SLC39A10: variants seen among roughly 807,000 people sequenced by gnomAD.
SLC39A10 encodes solute carrier family 39 member 10, also known as zinc transporter ZIP10.
Under a neutral mutation model 65.1 loss-of-function variants are expected in SLC39A10, and 13 were observed. The ratio of observed to expected loss-of-function variants is 0.20; its 90% CI spans 0.13 to 0.32. The LOEUF is 0.32. Ranked by LOEUF, SLC39A10 falls within the 10% of genes least tolerant of loss-of-function variation. The probability of loss-of-function intolerance (pLI) is 1.00; values close to 1 mark genes in which losing one functional copy is unlikely to be tolerated. For synonymous variants in SLC39A10, 321 were observed against 342.2 expected, an observed-to-expected ratio of 0.94 and a Z score of 0.68; for missense variants, 831 against 1,018.4, an observed-to-expected ratio of 0.82 and a Z score of 2.50.
At chr2:195,616,597 G>T (rs140893815) in intron 2 of SLC39A10, among the ~76,000 whole-genome samples, 42 of 147,428 alleles carry the variant, frequency 2.8e-4, no homozygotes, top group Non-Finnish European at 5.4e-4. Flanking sequence ...GAGCCACCGC[G>T]CCTGGCCTGG....
intron 1 of SLC39A10, among the ~76,000 whole-genome samples, chr2:195,667,826 T>A (rs1452122026): frequency 6.6e-6 from 1 of 152,260 alleles, no homozygotes; most frequent in East Asian, 1.9e-4. Context: ...ATACGAGAAG[T>A]AGGGACAGAA....
chr2:195,656,792 G>C (rs1689155531), upstream of SLC39A10: 1 of 152,208 alleles, frequency 6.6e-6, no homozygotes. Context: ...TGGGTTTAGA[G>C]CTTCCATTAC....
At chr2:195,734,446 G>A (rs1279096562) in intron 9 of SLC39A10, among the ~76,000 whole-genome samples, 1 of 152,190 alleles carries the variant, frequency 6.6e-6, no homozygotes, top group Non-Finnish European at 1.5e-5. Flanking sequence ...ATGGGCGTGA[G>A]CCACCGTGCC....
chr2:195,664,022 A>G (rs569379029), intron 1 of SLC39A10, among the ~76,000 whole-genome samples: 3 of 152,282 alleles, frequency 2.0e-5, no homozygotes, highest in African/African-American at 7.2e-5. Context: ...AAGCACATAC[A>G]GTGTACATAT....
At chr2:195,711,439 C>G (rs1358671929) in intron 5 of SLC39A10, among the ~76,000 whole-genome samples, 1 of 152,068 alleles carries the variant, frequency 6.6e-6, no homozygotes, top group Non-Finnish European at 1.5e-5. Flanking sequence ...TGGAAGAACA[C>G]CTTGGATGCA....
chr2:195,720,135 C>T (rs900388143), intron 8 of SLC39A10, among the ~76,000 whole-genome samples: 5 of 152,048 alleles, frequency 3.3e-5, no homozygotes, highest in Non-Finnish European at 7.4e-5. Context: ...CCATGTTGGC[C>T]AGGCTGGTTT....
chr2:195,704,612 A>G (rs1691325170), intron 3 of SLC39A10, among the ~76,000 whole-genome samples: 1 of 152,174 alleles, frequency 6.6e-6, no homozygotes, highest in South Asian at 2.1e-4. Context: ...TTTCCTGTCT[A>G]TAAACGGGAC....
chr2:195,692,596 T>G (rs1459060075), intron 3 of SLC39A10, among the ~76,000 whole-genome samples: 1 of 152,206 alleles, frequency 6.6e-6, no homozygotes, highest in African/African-American at 2.4e-5. Context: ...TTATTTTATT[T>G]GTAGCTATTG....
At position 195,637,481 on chromosome 2, in the gene SLC39A10, G is replaced by C. The variant is rs144070744; in HGVS notation, c.-12+31248G>C. ...TTCTACAGTCAGCCAAGGCTGTTTT[G>C]AATGATGGATTAGTAATTATGCAAG... On this transcript the variant is annotated intron_variant, in intron 2 of 2. Coordinates refer to the SLC39A10 transcript ENST00000458054. 6.9e-3 allele frequency among the ~76,000 whole-genome samples: 1,058 copies of C among 152,318 alleles called. 6 individuals are homozygous for C. Among genetic ancestry groups the C allele is most frequent in the Non-Finnish European group, 0.011 (720 of 68,032 alleles).
At chr2:195,620,937 C>T (rs1399891388) in intron 2 of SLC39A10, among the ~76,000 whole-genome samples, 1 of 152,188 alleles carries the variant, frequency 6.6e-6, no homozygotes, top group East Asian at 1.9e-4. Context: ...CATCCATTTC[C>T]TCTCATATCT....
chr2:195,682,699 A>G (rs1426986922), intron 2 of SLC39A10, among the ~76,000 whole-genome samples: 2 of 152,112 alleles, frequency 1.3e-5, no homozygotes, highest in South Asian at 2.1e-4. Flanking sequence ...GGTTTGCATT[A>G]TTAGACTTGT....
At chr2:195,719,204 T>G (rs1691927157) in intron 8 of SLC39A10, among the ~76,000 whole-genome samples, 1 of 152,134 alleles carries the variant, frequency 6.6e-6, no homozygotes, top group South Asian at 2.1e-4. Flanking sequence ...CTGCACTTTT[T>G]TTTTCTAAAA....
chr2:195,679,965 G>T (rs1377199008), intron 1 of SLC39A10, 67 bp from the exon 2 acceptor site: 1 of 1,347,834 alleles, frequency 7.4e-7, no homozygotes, highest in East Asian at 2.4e-5. Context: ...AACTTCCAGA[G>T]AATTAGATTG....
intron 2 of SLC39A10, among the ~76,000 whole-genome samples, chr2:195,632,485 G>A (rs1688607283): frequency 6.6e-6 from 1 of 151,528 alleles, no homozygotes. Context: ...TTTTAGTAGA[G>A]ACAGGGTTTC....
In SLC39A10 at chr2:195,728,391, TGAAA is replaced by T; in HGVS notation, c.2337+47_2337+50del. 1 of 1,546,794 alleles carries T rather than the reference TGAAA, an allele frequency of 6.5e-7. No individual in the cohort carries two copies. The highest frequency in any genetic ancestry group is 8.8e-7 in the Non-Finnish European group (1 of 1,137,372). ...TTTTTTGTGGTACTAAACCTGCAAA[TGAAA>T]GAAATCCTTGGAAGTGGTTTGAAGC... On this transcript the variant is annotated intron_variant, in intron 9 of 9. Coordinates refer to ENST00000359634, the MANE Select transcript of SLC39A10 (RefSeq NM_020342.3). The surrounding 1 kb of genome is among the most constrained non-coding windows in gnomAD (Gnocchi z 4.4).
Position 195,683,824 on chromosome 2 carries a change from G to A in SLC39A10, c.1134G>A (p.Glu378=), listed in dbSNP as rs1214618085. ...LYQIDSRLCI[E]HFDKLLVEDI... is the part of the protein sequence containing the mutation. ...AAATCGACAGCAGACTTTGTATTGA[G>A]CATTTTGACAAACTTTTAGTTGAAG... Residue 378 remains glutamate (E), a synonymous_variant, in exon 3 of 10, where the codon GAG becomes GAA. Coordinates refer to ENST00000359634, the MANE Select transcript of SLC39A10 (RefSeq NM_020342.3). The A allele has an allele frequency of 3.1e-6, 5 of 1,613,316 alleles. No homozygotes were observed. In the South Asian group the frequency reaches 5.5e-5, roughly 18 times the overall value.
intron 2 of SLC39A10, among the ~76,000 whole-genome samples, chr2:195,616,206 C>T (rs1030414837): frequency 2.0e-5 from 3 of 152,136 alleles, no homozygotes; most frequent in African/African-American, 4.8e-5. Context: ...CTGCCTGCCT[C>T]GGCCTCCCAA....
chr2:195,665,817 TTATC>T (rs1689613615), intron 1 of SLC39A10, among the ~76,000 whole-genome samples: 1 of 152,208 alleles, frequency 6.6e-6, no homozygotes, highest in South Asian at 2.1e-4. Flanking sequence ...GTTCTAACCA[TTATC>T]TATTTAATGA....
chr2:195,662,992 A>G (rs907889568), intron 1 of SLC39A10, among the ~76,000 whole-genome samples: 3 of 152,144 alleles, frequency 2.0e-5, no homozygotes, highest in African/African-American at 7.2e-5. Flanking sequence ...AGAGGGAATT[A>G]TGCTTTATTA....
Sources: allele counts gnomAD v4.1 joint callset (sites outside exome capture counted in the v4.1 genomes callset), GRCh38; gene constraint gnomAD v4.1.1; non-coding constraint Gnocchi (gnomAD v3.1); transcripts MANE v1.5; gene names NCBI Gene and HGNC (gene_info 2026-07-23, HGNC 2026-07-21).